Variants in NELFCD observed in about 807,000 individuals in gnomAD.
NELFCD encodes the protein negative elongation factor C/D.
A neutral mutation model predicts 72.9 loss-of-function variants in NELFCD; 48 were observed. That is an observed-to-expected ratio of 0.66 (90% CI 0.52 to 0.84). The LOEUF is 0.84. Ranked by LOEUF, NELFCD falls within the 40% of genes least tolerant of loss-of-function variation. The pLI is 0.00. For synonymous variants in NELFCD, 297 were observed against 280.6 expected (o/e 1.06, Z -0.59); for missense variants, 538 against 723.8 (o/e 0.74, Z 2.94).
intron 1 of NELFCD, among the ~76,000 whole-genome samples, chr20:58,982,172 T>G (rs1320488486): frequency 3.0e-5 from 3 of 98,676 alleles, no homozygotes; most frequent in Non-Finnish European, 6.3e-5. Context: ...TTTTTTTTTT[T>G]TGTGGTGGAG....
In NELFCD at chr20:58,993,328, T is replaced by C. The variant is rs1601218738; in HGVS notation, c.1345-121T>C. On this transcript the variant is annotated intron_variant, in intron 11 of 14. Coordinates refer to ENST00000652272, the MANE Select transcript of NELFCD (RefSeq NM_198976.4). The surrounding 1 kb of genome is among the most constrained non-coding windows in gnomAD (Gnocchi z 5.0). ...GTTACTGGAAGCTGATGGCCCTGGCTTAGGTGTCAGGACCTTCTTCCACAG... is the reference window on the plus strand; with the variant it reads ...GTTACTGGAAGCTGATGGCCCTGGCCTAGGTGTCAGGACCTTCTTCCACAG... 1.0e-6 allele frequency: 1 copy of C among 986,362 alleles called. No homozygotes were observed. Among genetic ancestry groups the C allele is most frequent in the African/African-American group, 1.6e-5 (1 of 61,554 alleles). 61.1% of individuals were successfully genotyped at this position (986,362 alleles called of 1,614,324 possible).
chr20:58,991,217 T>G lies in NELFCD; in HGVS notation c.955-95T>G. 3 of 1,575,346 alleles carry G rather than the reference T, an allele frequency of 1.9e-6. No individual in the cohort carries two copies. In the South Asian group the frequency reaches 3.4e-5, roughly 18 times the overall value. On this transcript the variant is annotated intron_variant, in intron 8 of 14. Transcript: ENST00000652272. The stretch of plus-strand genomic sequence containing the variant: ...TCAGTCACACTCTCTGCCTGGAGCC[T>G]GTTGGGCCCCTGCTGTGTAGGGAAC...
chr20:58,981,950 C>T (rs1158171958), intron 1 of NELFCD, among the ~76,000 whole-genome samples: 1 of 146,218 alleles, frequency 6.8e-6, no homozygotes, highest in African/African-American at 2.6e-5. Flanking sequence ...GGGGTGGAAG[C>T]CCAGGAGGGA....
At chr20:58,994,530 C>CT in intron 14 of NELFCD, 112 bp from the exon 15 acceptor site, 1 of 903,888 alleles carries the variant, frequency 1.1e-6, no homozygotes, top group Non-Finnish European at 1.7e-6. Flanking sequence ...CCATTGCACT[C>CT]TATCCTGGGC....
intron 4 of NELFCD, chr20:58,988,108 G>A (rs1399864977): frequency 5.5e-6 from 2 of 366,320 alleles, no homozygotes; most frequent in Non-Finnish European, 1.0e-5. Flanking sequence ...GGAGTGTTGT[G>A]GTGGATTCGT....
intron 9 of NELFCD, 176 bp downstream of exon 9, chr20:58,991,622 T>C (rs973478424): frequency 2.6e-6 from 2 of 771,584 alleles, no homozygotes; most frequent in South Asian, 1.9e-5. Context: ...ATGTGCGTAA[T>C]GTCTCCAATG....
At position 58,994,283 on chromosome 20, in the gene NELFCD, G is replaced by T. The variant is rs764820398; in HGVS notation, c.1711+44G>T. ...CCCTTTACTACAATAGAAAATGTCA[G>T]CTGGGCGCGGTGGCTCATGCCTGTA... On this transcript the variant is annotated intron_variant, in intron 14 of 14. Transcript: ENST00000652272. 2.5e-6 allele frequency: 4 copies of T among 1,598,908 alleles called. No individual in the cohort carries two copies. The African/African-American group carries it at 5.4e-5, about 21-fold the overall frequency.
chr20:58,993,489 A>T lies in NELFCD; in HGVS notation c.1385A>T (p.Gln462Leu). Residue 462 changes from glutamine to leucine, a missense_variant, in exon 12 of 15, where the codon CAG becomes CTG. Around this residue, in one of 3 missense-constraint regions of NELFCD, gnomAD observed 136 missense variants for 154.0 expected, o/e 0.88. Coordinates refer to ENST00000652272, the MANE Select transcript of NELFCD (RefSeq NM_198976.4). This position sits in a 1 kb window ranked among gnomAD's most constrained non-coding sequence, Gnocchi z 5.0. ...CAGCTCCTGCACCCCCAGGTCCTGC[A>T]GCTGCTTGTTAAGCTTTTTGAGACT... ...CHQLLHPQVL[Q>L]LLVKLFETEH... 1.2e-6 allele frequency: 2 copies of T among 1,614,178 alleles called. No individual in the cohort carries two copies. Among genetic ancestry groups the T allele is most frequent in the Non-Finnish European group, 1.7e-6 (2 of 1,180,042 alleles).
In NELFCD at chr20:58,981,263, G is replaced by T; in HGVS notation, c.-47G>T. The T allele has an allele frequency of 9.7e-7, 1 of 1,035,610 alleles. No homozygotes were observed. Among genetic ancestry groups the T allele is most frequent in the Non-Finnish European group, 1.2e-6 (1 of 863,280 alleles). 64.2% of individuals were successfully genotyped at this position (1,035,610 alleles called of 1,614,324 possible). ...CCCGTCCCCGCCTCGCGCATGCGCC[G>T]CGCTCGCTCGCGGGAGGGCATGGCG... On this transcript the variant is annotated 5_prime_UTR_variant, in exon 1 of 15. Coordinates refer to ENST00000652272, the MANE Select transcript of NELFCD (RefSeq NM_198976.4).
chr20:58,991,418 C>T lies in NELFCD; in HGVS notation c.1061C>T (p.Ala354Val), dbSNP rs749376830. 2.5e-6 allele frequency: 4 copies of T among 1,614,254 alleles called. No individual in the cohort carries two copies. The highest frequency in any genetic ancestry group is 1.6e-4 in the Middle Eastern group (1 of 6,062). Residue 354 changes from alanine to valine, a missense_variant, in exon 9 of 15, where the codon GCA (alanine) becomes GTA (valine). Coordinates refer to ENST00000652272, the MANE Select transcript of NELFCD (RefSeq NM_198976.4). Reference sequence around the variant, plus strand: ...AAATACATCCACATCTTGGCGTACGCAGCAAGCGTGGTTGAGACCTGGAAG... The same window carrying T: ...AAATACATCCACATCTTGGCGTACGTAGCAAGCGTGGTTGAGACCTGGAAG... Reference protein sequence around the residue: ...KHKYIHILAYAASVVETWKKN... With the variant: ...KHKYIHILAYVASVVETWKKN...
chr20:58,984,625 A>T (rs1430321552), intron 1 of NELFCD, among the ~76,000 whole-genome samples: 2 of 152,146 alleles, frequency 1.3e-5, no homozygotes, highest in Non-Finnish European at 2.9e-5. Flanking sequence ...TAGGAAGAAG[A>T]TCTGTTTCTA....
rs775726626 is a variant in NELFCD, at chr20:58,986,064, AT to A, written c.61-28del. 4.0e-6 allele frequency: 6 copies of A among 1,489,546 alleles called. No homozygotes were observed. Among genetic ancestry groups the A allele is most frequent in the Non-Finnish European group, 5.6e-6 (6 of 1,066,424 alleles). The allele number at this position is 1,489,546 out of a possible 1,614,324, so 92.3% of individuals were successfully genotyped here. ...TAGGGTATTTGTATTAATGAAAAAA[AT>A]ATCCTGGCTCTTCGCATTTACCAAC... On this transcript the variant is annotated intron_variant, in intron 1 of 14. Coordinates refer to ENST00000652272, the MANE Select transcript of NELFCD (RefSeq NM_198976.4). The surrounding 1 kb of genome is among the most constrained non-coding windows in gnomAD (Gnocchi z 4.4).
Position 58,990,970 on chromosome 20 carries a change from CTGCCAG to C in NELFCD, c.850_855del (p.Cys284_Gln285del), listed in dbSNP as rs1287865274. On this transcript the variant is annotated inframe_deletion, in exon 8 of 15. Coordinates refer to ENST00000652272, the MANE Select transcript of NELFCD (RefSeq NM_198976.4). Reference sequence around the variant, plus strand: ...GCACAGCTGCCTCCTACCCCAGGGCCTGCCAGGCTCTCGGGGCCATGCTGTCCAAAG... The same window carrying C: ...GCACAGCTGCCTCCTACCCCAGGGCCGCTCTCGGGGCCATGCTGTCCAAAG... 1 of 1,614,108 alleles carries C rather than the reference CTGCCAG, an allele frequency of 6.2e-7. No homozygotes were observed. The highest frequency in any genetic ancestry group is 8.5e-7 in the Non-Finnish European group (1 of 1,180,042).
rs765883477 is a variant in NELFCD, at chr20:58,981,883, A to G, written c.60+514A>G. Among the ~76,000 whole-genome samples, 75 of 152,172 alleles carry G rather than the reference A, an allele frequency of 4.9e-4. 1 individual carries two copies. The highest frequency in any genetic ancestry group is 3.9e-4 in the Admixed American group (6 of 15,278). ...CTCTTCAGCACCTTGGGCTGATTTCATCTGTTTTTGGGCAAACTGATGGAA... is the reference window on the plus strand; with the variant it reads ...CTCTTCAGCACCTTGGGCTGATTTCGTCTGTTTTTGGGCAAACTGATGGAA... On this transcript the variant is annotated intron_variant, in intron 1 of 14. Coordinates refer to ENST00000652272, the MANE Select transcript of NELFCD (RefSeq NM_198976.4).
chr20:58,983,139 CTT>C (rs372138052), intron 1 of NELFCD, among the ~76,000 whole-genome samples: 18 of 134,508 alleles, frequency 1.3e-4, no homozygotes, highest in Non-Finnish European at 1.3e-4. Context: ...GCCTTTTTTT[CTT>C]TTTTTTTTTT....
chr20:58,984,318 C>T (rs114554546), intron 1 of NELFCD, among the ~76,000 whole-genome samples: 2,658 of 152,146 alleles, frequency 0.017, 79 homozygotes, highest in African/African-American at 0.061. Flanking sequence ...AGGAGAGAGA[C>T]GTCAGTTTTG....
intron 9 of NELFCD, 162 bp downstream of exon 9, chr20:58,991,608 G>A: frequency 1.2e-6 from 1 of 823,470 alleles, no homozygotes; most frequent in Non-Finnish European, 1.9e-6. Context: ...AACGTCTCCA[G>A]AAAATGTGCG....
Position 58,989,022 on chromosome 20 carries a change from G to A in NELFCD, c.504+1G>A. ...TTTGATGCTGAACTTCACCGTTAAG[G>A]TAGGAAGAGTTCTAGAGTTAAGGAG... On this transcript the variant is annotated splice_donor_variant, in intron 5 of 14. Coordinates refer to ENST00000652272, the MANE Select transcript of NELFCD (RefSeq NM_198976.4). LOFTEE classifies it high-confidence loss of function. 2 of 1,601,482 alleles carry A rather than the reference G, an allele frequency of 1.2e-6. No homozygotes were observed. The highest frequency in any genetic ancestry group is 1.7e-6 in the Non-Finnish European group (2 of 1,168,424).
Position 58,995,000 on chromosome 20 carries a change from G to A in NELFCD, c.*324G>A, listed in dbSNP as rs1006558439. On this transcript the variant is annotated 3_prime_UTR_variant, in exon 15 of 15. Coordinates refer to ENST00000652272, the MANE Select transcript of NELFCD (RefSeq NM_198976.4). Reference sequence around the variant, plus strand: ...GCGGGCCGCTGGGAACTCCACTCGGGGAACTCCTTTCCAAGCTGACCTCAG... The same window carrying A: ...GCGGGCCGCTGGGAACTCCACTCGGAGAACTCCTTTCCAAGCTGACCTCAG... 1.4e-5 allele frequency: 4 copies of A among 283,002 alleles called. No individual in the cohort carries two copies. The highest frequency in any genetic ancestry group is 2.6e-5 in the Non-Finnish European group (4 of 152,222). 17.5% of individuals were successfully genotyped at this position (283,002 alleles called of 1,614,324 possible).
Sources: gnomAD v4.1 joint callset for allele counts (sites outside exome capture counted in the v4.1 genomes callset) on GRCh38, gnomAD v4.1.1 for gene constraint, gnomAD v4.1.1 regional missense constraint, Gnocchi (gnomAD v3.1) non-coding constraint, MANE v1.5 for transcripts, NCBI Gene and HGNC (gene_info 2026-07-23, HGNC 2026-07-21) for gene names.